Variants in PRRC2B observed in about 807,000 individuals in gnomAD.
The protein encoded by PRRC2B is proline rich coiled-coil 2B, also known as protein PRRC2B.
PRRC2B carries 68 observed loss-of-function variants against 242.3 expected under a neutral mutation model. That is an observed-to-expected ratio of 0.28 (90% CI 0.23 to 0.34). The LOEUF is 0.34. Ranked by LOEUF, PRRC2B falls within the 10% of genes least tolerant of loss-of-function variation. The pLI is 1.00. For synonymous variants in PRRC2B, 1,228 were observed against 1,173.6 expected (o/e 1.05, Z -0.95); for missense variants, 2,835 against 2,954.8 (o/e 0.96, Z 0.94).
At chr9:131,492,029 C>A in intron 29 of PRRC2B, 140 bp from the exon 30 acceptor site, 1 of 669,202 alleles carries the variant, frequency 1.5e-6, no homozygotes, top group Non-Finnish European at 2.6e-6. Flanking sequence ...GCCCTGGTGC[C>A]AAAAACCACT....
At position 131,479,298 on chromosome 9, in the gene PRRC2B, T is replaced by G. The variant is rs913141788; in HGVS notation, c.4805T>G (p.Phe1602Cys). 6.2e-7 allele frequency: 1 copy of G among 1,613,880 alleles called. No homozygotes were observed. Among genetic ancestry groups the G allele is most frequent in the East Asian group, 2.2e-5 (1 of 44,878 alleles). ...CTTTCCTCCCGTATTCCTCCTCGAT[T>G]TGCAAAAAAGCAGAACAACTTATGT... ...RGLSSRIPPR[F>C]AKKQNNLCLE... The change falls in exon 19 of 32, where the codon TTT becomes TGT. Residue 1602 changes from phenylalanine to cysteine, a missense_variant. Phe to Cys is a radical substitution (Grantham distance 205, BLOSUM62 -2). Around this residue, in one of 7 missense-constraint regions of PRRC2B, gnomAD observed 1,536 missense variants for 1,483.1 expected, o/e 1.04. Coordinates refer to ENST00000683519, the MANE Select transcript of PRRC2B (RefSeq NM_013318.4).
At position 131,487,144 on chromosome 9, in the gene PRRC2B, C is replaced by G; in HGVS notation, c.5857-23C>G. The G allele has an allele frequency of 6.2e-7, 1 of 1,611,430 alleles. No homozygotes were observed. Among genetic ancestry groups the G allele is most frequent in the Non-Finnish European group, 8.5e-7 (1 of 1,179,000 alleles). On this transcript the variant is annotated intron_variant, in intron 26 of 31. Coordinates refer to ENST00000683519, the MANE Select transcript of PRRC2B (RefSeq NM_013318.4). The surrounding 1 kb of genome is among the most constrained non-coding windows in gnomAD (Gnocchi z 5.3). ...TGGATGGGCCTTGCGGTTACCTCCC[C>G]GACCCCGTTTTCCCGTTCACAGGCC...
At chr9:131,471,167 A>C (rs1350596371) in intron 14 of PRRC2B, among the ~76,000 whole-genome samples, 184 bp downstream of exon 14, 1 of 152,238 alleles carries the variant, frequency 6.6e-6, no homozygotes, top group Non-Finnish European at 1.5e-5. Flanking sequence ...TCTGTCATAA[A>C]GATTTGTTGG....
At chr9:131,464,691 C>A in intron 11 of PRRC2B, 72 bp from the exon 12 acceptor site, 3 of 1,379,060 alleles carry the variant, frequency 2.2e-6, no homozygotes, top group Non-Finnish European at 2.9e-6. Context: ...AGAACTGATC[C>A]CAAAGTGGGA....
At chr9:131,483,880 T>C (rs964586117) in intron 23 of PRRC2B, among the ~76,000 whole-genome samples, 3 of 152,296 alleles carry the variant, frequency 2.0e-5, no homozygotes, top group Middle Eastern at 3.4e-3. Context: ...GTTGCATCTG[T>C]TGTGGCCACT....
Position 131,482,711 on chromosome 9 carries a change from A to T in PRRC2B, c.5177A>T (p.Asp1726Val). 1 of 1,566,948 alleles carries T rather than the reference A, an allele frequency of 6.4e-7. No homozygotes were observed. The highest frequency in any genetic ancestry group is 8.6e-7 in the Non-Finnish European group (1 of 1,157,954). ...CCACCTCTCTGCTTTTTTATCAAGG[A>T]TTCAGAACAAGGCTCTGGACAGAGC... ...EQAPKPSEQK[D>V]SEQGSGQSKE... Residue 1726 changes from aspartate (D) to valine (V), a missense_variant and splice_region_variant, in exon 22 of 32, where the codon GAT (aspartate) becomes GTT (valine). By Grantham distance (152) the Asp-to-Val change is radical. Coordinates refer to ENST00000683519, the MANE Select transcript of PRRC2B (RefSeq NM_013318.4). The surrounding 1 kb of genome is among the most constrained non-coding windows in gnomAD (Gnocchi z 5.2).
Position 131,387,450 on chromosome 9 carries a change from A to G in PRRC2B, c.-56+13719A>G, listed in dbSNP as rs578033912. The stretch of plus-strand genomic sequence containing the variant: ...TGGCAACACCCTCACAGACACACCC[A>G]GGATTAATACTTTATATCTTTCAAT... On this transcript the variant is annotated intron_variant, in intron 1 of 1. Transcript: ENST00000682525. Among the ~76,000 whole-genome samples the G allele has an allele frequency of 2.4e-4, 36 of 150,526 alleles. 1 individual carries two copies. Among genetic ancestry groups the G allele is most frequent in the African/African-American group, 8.0e-4 (33 of 41,362 alleles).
chr9:131,383,354 C>T (rs895984771), intron 1 of PRRC2B, among the ~76,000 whole-genome samples: 2 of 152,122 alleles, frequency 1.3e-5, no homozygotes, highest in African/African-American at 4.8e-5. Flanking sequence ...TGGAACAGCT[C>T]ATGACTGCAC....
chr9:131,430,041 CT>C (rs878925675), intron 1 of PRRC2B, 52 bp from the exon 2 acceptor site: 48,147 of 415,316 alleles, frequency 0.12, 5 homozygotes, highest in South Asian at 0.16. Flanking sequence ...TAGTGACACT[CT>C]TTTTTTTTTT....
intron 1 of PRRC2B, among the ~76,000 whole-genome samples, chr9:131,425,530 C>G (rs918439291): frequency 6.6e-6 from 1 of 151,930 alleles, no homozygotes; most frequent in Non-Finnish European, 1.5e-5. Flanking sequence ...GCTCTGTCAC[C>G]CAGGCTGGCG....
chr9:131,376,120 A>G (rs1379176126), intron 1 of PRRC2B, among the ~76,000 whole-genome samples: 1 of 151,206 alleles, frequency 6.6e-6, no homozygotes, highest in African/African-American at 2.4e-5. Flanking sequence ...AGGCTGAGGC[A>G]GGTGGATCAT....
chr9:131,473,121 G>T (rs938599366), intron 14 of PRRC2B, among the ~76,000 whole-genome samples: 2 of 152,152 alleles, frequency 1.3e-5, no homozygotes, highest in African/African-American at 2.4e-5. Context: ...GTAGTAAAGC[G>T]CATGTGTCTA....
upstream of PRRC2B, among the ~76,000 whole-genome samples, chr9:131,391,621 C>T (rs1012225428): frequency 6.6e-6 from 1 of 152,136 alleles, no homozygotes; most frequent in African/African-American, 2.4e-5. Context: ...GATGGGCACA[C>T]TAGTGTCTGT....
intron 3 of PRRC2B, among the ~76,000 whole-genome samples, chr9:131,434,707 G>T (rs1479522866): frequency 6.6e-6 from 1 of 152,192 alleles, no homozygotes; most frequent in Non-Finnish European, 1.5e-5. Context: ...TTACAGATAA[G>T]CCACTTGTAT....
intron 10 of PRRC2B, 60 bp downstream of exon 10, chr9:131,455,226 C>A: frequency 1.7e-6 from 2 of 1,206,452 alleles, no homozygotes; most frequent in Non-Finnish European, 2.4e-6. Context: ...TTGTTGTGTA[C>A]CCAGAGCATT....
upstream of PRRC2B, chr9:131,394,084 G>C (rs1163100693): frequency 2.0e-5 from 3 of 149,700 alleles, no homozygotes; most frequent in Admixed American, 6.7e-5. Flanking sequence ...GGAGCGAGCG[G>C]CGAGACAGGC....
At chr9:131,388,840 C>CT (rs1315362492) in intron 1 of PRRC2B, among the ~76,000 whole-genome samples, 2,253 of 121,100 alleles carry the variant, frequency 0.019, 80 homozygotes, top group Non-Finnish European at 0.025. Flanking sequence ...CTCCTTTTAC[C>CT]TTTTTTTTTT....
At chr9:131,424,846 C>T (rs1270520200) in intron 1 of PRRC2B, among the ~76,000 whole-genome samples, 1 of 152,250 alleles carries the variant, frequency 6.6e-6, no homozygotes, top group East Asian at 1.9e-4. Context: ...AGAAGGTGCC[C>T]AGTTAATATT....
intron 1 of PRRC2B, among the ~76,000 whole-genome samples, chr9:131,379,594 T>C (rs970883275): frequency 4.0e-5 from 6 of 151,858 alleles, no homozygotes; most frequent in Non-Finnish European, 7.4e-5. Context: ...ATATCTTCTT[T>C]GAAGAAATAC....
Sources: allele counts gnomAD v4.1 joint callset (sites outside exome capture counted in the v4.1 genomes callset), GRCh38; gene constraint gnomAD v4.1.1; regional missense constraint gnomAD v4.1.1; non-coding constraint Gnocchi (gnomAD v3.1); transcripts MANE v1.5; gene names NCBI Gene and HGNC (gene_info 2026-07-23, HGNC 2026-07-21).